Variants in AKT3 observed in about 807,000 individuals in gnomAD.
The protein encoded by AKT3 is RAC-gamma serine/threonine-protein kinase.
A neutral mutation model predicts 65.3 loss-of-function variants in AKT3; 15 were observed. The observed-to-expected ratio is 0.23, with a 90% CI of 0.15 to 0.35. AKT3 has a LOEUF of 0.35. AKT3 is among the 10% of genes least tolerant of loss of function. The probability of loss-of-function intolerance (pLI) is 1.00; values close to 1 mark genes in which losing one functional copy is unlikely to be tolerated. For synonymous variants in AKT3, 206 were observed against 183.8 expected (o/e 1.12, Z -0.98); for missense variants, 243 against 576.5 (o/e 0.42, Z 5.92).
chr1:243,572,124 G>A (rs906457317), intron 9 of AKT3, among the ~76,000 whole-genome samples: 2 of 152,098 alleles, frequency 1.3e-5, no homozygotes, highest in African/African-American at 4.8e-5. Context: ...TTCCTTTAAT[G>A]TCGCCAACCT....
At chr1:243,801,026 G>A (rs941273557) in intron 2 of AKT3, among the ~76,000 whole-genome samples, 1 of 152,196 alleles carries the variant, frequency 6.6e-6, no homozygotes, top group African/African-American at 2.4e-5. Flanking sequence ...ATGTTGGAAA[G>A]ATGAAGTTTA....
At chr1:243,595,831 A>G (rs949272328) in intron 8 of AKT3, among the ~76,000 whole-genome samples, 1 of 151,460 alleles carries the variant, frequency 6.6e-6, no homozygotes, top group Non-Finnish European at 1.5e-5. Context: ...ACAGTTACCT[A>G]TTTTTTTTTA....
intron 8 of AKT3, among the ~76,000 whole-genome samples, chr1:243,584,804 C>T (rs1011945476): frequency 6.6e-6 from 1 of 152,056 alleles, no homozygotes. Flanking sequence ...ACTGAACAGG[C>T]AAAAACTGGA....
chr1:243,660,593 C>G (rs2147902418), intron 4 of AKT3, among the ~76,000 whole-genome samples: 1 of 152,286 alleles, frequency 6.6e-6, no homozygotes, highest in South Asian at 2.1e-4. Context: ...AACAAACCCA[C>G]AGCCAATATC....
chr1:243,733,585 C>A (rs549483631), intron 2 of AKT3, among the ~76,000 whole-genome samples: 29 of 152,194 alleles, frequency 1.9e-4, no homozygotes, highest in African/African-American at 7.0e-4. Flanking sequence ...TATGTAGTGA[C>A]CAAATCAAAA....
intron 2 of AKT3, among the ~76,000 whole-genome samples, chr1:243,732,998 A>T (rs965725880): frequency 6.6e-6 from 1 of 152,236 alleles, no homozygotes; most frequent in African/African-American, 2.4e-5. Flanking sequence ...AGTAAGCATT[A>T]TGCACAAACT....
At chr1:243,816,310 A>G (rs1693517816) in intron 2 of AKT3, among the ~76,000 whole-genome samples, 1 of 152,200 alleles carries the variant, frequency 6.6e-6, no homozygotes, top group Non-Finnish European at 1.5e-5. Context: ...ACATTTGAGT[A>G]ATTCATAGTT....
At chr1:243,739,383 A>G (rs1409886144) in intron 2 of AKT3, 1 of 152,204 alleles carries the variant, frequency 6.6e-6, no homozygotes, top group Non-Finnish European at 1.5e-5. Flanking sequence ...TTCGCACTCT[A>G]AATTTTCAAT....
At chr1:243,499,684 C>A, downstream of AKT3, 1 of 1,232,700 alleles carries the variant, frequency 8.1e-7, no homozygotes, top group Non-Finnish European at 1.2e-6. Flanking sequence ...GGTGACTAAA[C>A]CAGCAAATGA....
chr1:243,691,468 C>T (rs1289434504), intron 3 of AKT3, among the ~76,000 whole-genome samples: 1 of 152,080 alleles, frequency 6.6e-6, no homozygotes, highest in Non-Finnish European at 1.5e-5. Context: ...GTGGTACAAA[C>T]TAGAAACAGA....
intron 2 of AKT3, among the ~76,000 whole-genome samples, chr1:243,809,036 A>G (rs1217933868): frequency 6.6e-6 from 1 of 152,236 alleles, no homozygotes; most frequent in Non-Finnish European, 1.5e-5. Flanking sequence ...AGGAGGCGCT[A>G]AACATGGAAA....
Position 243,811,171 on chromosome 1 carries a change from C to T in AKT3, c.46+31954G>A, listed in dbSNP as rs148438424. ...TCAACATAGTGTTGGAAGTTCTAGC[C>T]GGGGCAATCAGGCAGGAGAAAGAAA... On this transcript the variant is annotated intron_variant, in intron 2 of 13. Coordinates refer to ENST00000673466, the MANE Select transcript of AKT3 (RefSeq NM_005465.7). 3.5e-3 allele frequency among the ~76,000 whole-genome samples: 537 copies of T among 152,186 alleles called. 2 individuals are homozygous for T. The highest frequency in any genetic ancestry group is 0.012 in the African/African-American group (516 of 41,540).
chr1:243,730,074 T>C (rs1290770868), intron 2 of AKT3, among the ~76,000 whole-genome samples: 2 of 152,200 alleles, frequency 1.3e-5, no homozygotes, highest in African/African-American at 4.8e-5. Context: ...GGCTGCTCCT[T>C]CTAGCTGGAA....
At chr1:243,579,617 G>C (rs1274054666) in intron 8 of AKT3, among the ~76,000 whole-genome samples, 1 of 152,092 alleles carries the variant, frequency 6.6e-6, no homozygotes, top group African/African-American at 2.4e-5. Flanking sequence ...AATGGATGAG[G>C]TGAGCCAAGG....
intron 12 of AKT3, among the ~76,000 whole-genome samples, chr1:243,528,563 G>T (rs1005908215): frequency 3.3e-5 from 5 of 152,198 alleles, no homozygotes; most frequent in African/African-American, 1.2e-4. Context: ...TTGTAAGTGA[G>T]AATATGCGGG....
intron 4 of AKT3, among the ~76,000 whole-genome samples, chr1:243,646,520 A>G (rs1334038593): frequency 6.6e-6 from 1 of 151,824 alleles, no homozygotes; most frequent in African/African-American, 2.4e-5. Flanking sequence ...ATGCCTGACT[A>G]ATTTTTGTAT....
intron 3 of AKT3, among the ~76,000 whole-genome samples, chr1:243,694,888 G>A (rs763567567): frequency 6.6e-6 from 1 of 151,874 alleles, no homozygotes; most frequent in Admixed American, 6.6e-5. Flanking sequence ...ATACAGACGA[G>A]CTAGATCTTA....
chr1:243,688,399 AT>A, intron 3 of AKT3, among the ~76,000 whole-genome samples: 1 of 152,238 alleles, frequency 6.6e-6, no homozygotes, highest in Non-Finnish European at 1.5e-5. Context: ...ATATTAAAAA[AT>A]AATTCAGCTT....
At chr1:243,750,919 G>C (rs1335588239) in intron 2 of AKT3, among the ~76,000 whole-genome samples, 1 of 151,978 alleles carries the variant, frequency 6.6e-6, no homozygotes, top group Admixed American at 6.6e-5. Context: ...TCATTAAAAA[G>C]AAATAATGTT....
Sources: gnomAD v4.1 joint callset for allele counts (sites outside exome capture counted in the v4.1 genomes callset) on GRCh38, gnomAD v4.1.1 for gene constraint, MANE v1.5 for transcripts, NCBI Gene and HGNC (gene_info 2026-07-23, HGNC 2026-07-21) for gene names.